ATXN10: variants seen among roughly 807,000 people sequenced by gnomAD.
The protein encoded by ATXN10 is ataxin-10.
Under a neutral mutation model 52.9 loss-of-function variants are expected in ATXN10, and 28 were observed. That is an observed-to-expected ratio of 0.53 (90% CI 0.39 to 0.73). The LOEUF is 0.73. ATXN10 is among the 30% of genes least tolerant of loss of function. The pLI, the probability that ATXN10 is intolerant of heterozygous loss-of-function variation, is 0.00. For synonymous variants in ATXN10, 226 were observed against 221.5 expected (o/e 1.02, Z -0.18); for missense variants, 565 against 577.0 (o/e 0.98, Z 0.21).
chr22:45,725,061 TGTA>T (rs1465991702), intron 6 of ATXN10, among the ~76,000 whole-genome samples: 5 of 152,206 alleles, frequency 3.3e-5, no homozygotes, highest in Non-Finnish European at 7.3e-5. Flanking sequence ...ACTATAGACT[TGTA>T]GTATAATTTG....
At chr22:45,739,326 T>C (rs1456659546) in intron 8 of ATXN10, among the ~76,000 whole-genome samples, 1 of 152,254 alleles carries the variant, frequency 6.6e-6, no homozygotes, top group Non-Finnish European at 1.5e-5. Flanking sequence ...ATTACCAACC[T>C]TGCTAAAAAG....
chr22:45,702,544 AAAT>A, intron 4 of ATXN10, 142 bp from the exon 5 acceptor site: 7 of 711,728 alleles, frequency 9.8e-6, no homozygotes, highest in South Asian at 7.7e-5. Flanking sequence ...TTTTTACAGT[AAAT>A]AATCTACTTA....
intron 10 of ATXN10, among the ~76,000 whole-genome samples, chr22:45,831,029 C>T (rs1928975767): frequency 6.6e-6 from 1 of 152,086 alleles, no homozygotes; most frequent in Non-Finnish European, 1.5e-5. Flanking sequence ...TATGAGTCAG[C>T]TTTAAAAGGA....
intron 9 of ATXN10, among the ~76,000 whole-genome samples, chr22:45,742,234 T>C (rs1036786391): frequency 3.3e-5 from 5 of 152,100 alleles, no homozygotes; most frequent in Admixed American, 6.5e-5. Flanking sequence ...TAATCCAGAA[T>C]TGCCACAGCA....
At chr22:45,817,820 GA>G (rs2096924977) in intron 10 of ATXN10, among the ~76,000 whole-genome samples, 1 of 152,100 alleles carries the variant, frequency 6.6e-6, no homozygotes, top group South Asian at 2.1e-4. Context: ...ATGAATTGGT[GA>G]TGCTCCCAGC....
chr22:45,682,380 G>A (rs999188762), intron 1 of ATXN10, among the ~76,000 whole-genome samples: 17 of 151,730 alleles, frequency 1.1e-4, no homozygotes, highest in African/African-American at 4.1e-4. Flanking sequence ...GCAGGGGCAC[G>A]ATCTGCAGCC....
intron 9 of ATXN10, among the ~76,000 whole-genome samples, chr22:45,801,746 A>G (rs1276803797): frequency 1.3e-5 from 2 of 152,218 alleles, no homozygotes; most frequent in Non-Finnish European, 2.9e-5. Context: ...GTGAAGGATT[A>G]CCATATCCAG....
rs933348187 is a variant in ATXN10, at chr22:45,678,190, T to A, written c.116+6011T>A. On this transcript the variant is annotated intron_variant, in intron 1 of 11. Coordinates refer to ENST00000252934, the MANE Select transcript of ATXN10 (RefSeq NM_013236.4). This position sits in a 1 kb window ranked among gnomAD's most constrained non-coding sequence, Gnocchi z 4.1. ...ACATTGTGAATATAATTAAAGCCAT[T>A]GAACTGTAGACTTAAAATGAACAAC... 1.3e-5 allele frequency: 2 copies of A among 152,172 alleles called. No homozygotes were observed. The highest frequency in any genetic ancestry group is 4.8e-5 in the African/African-American group (2 of 41,448). 9.4% of individuals were successfully genotyped at this position (152,172 alleles called of 1,614,324 possible).
chr22:45,741,480 C>T (rs1925531749), intron 9 of ATXN10, among the ~76,000 whole-genome samples: 1 of 151,984 alleles, frequency 6.6e-6, no homozygotes, highest in Non-Finnish European at 1.5e-5. Flanking sequence ...CATGGAAAAG[C>T]CCTGGAAGAT....
At chr22:45,751,763 A>AAAAAAATAATAATAAT in intron 9 of ATXN10, among the ~76,000 whole-genome samples, 59 of 66,572 alleles carry the variant, frequency 8.9e-4, no homozygotes, top group Non-Finnish European at 1.6e-3. Flanking sequence ...AATAAAAAAA[A>AAAAAAATAATAATAAT]AATAATAATA....
Position 45,843,044 on chromosome 22 carries a change from C to T in ATXN10, c.1291C>T (p.Gln431Ter), listed in dbSNP as rs1322935543. 6.2e-7 allele frequency: 1 copy of T among 1,614,122 alleles called. No homozygotes were observed. The highest frequency in any genetic ancestry group is 8.5e-7 in the Non-Finnish European group (1 of 1,180,008). Residue 431 changes from glutamine to a stop codon, truncating the protein, a stop_gained, in exon 11 of 12, where the codon CAA (glutamine) becomes TAA (stop). Coordinates refer to ENST00000252934, the MANE Select transcript of ATXN10 (RefSeq NM_013236.4). LOFTEE classifies it high-confidence loss of function. This position sits in a 1 kb window ranked among gnomAD's most constrained non-coding sequence, Gnocchi z 4.5. Reference sequence around the variant, plus strand: ...CCGAAACCTTACCGAAGACAACAGCCAAAACCAAGATTTGATTGCAAAGAT... The same window carrying T: ...CCGAAACCTTACCGAAGACAACAGCTAAAACCAAGATTTGATTGCAAAGAT... ...AIRNLTEDNS[Q>*]NQDLIAKMEE...
intron 1 of ATXN10, among the ~76,000 whole-genome samples, chr22:45,680,363 A>G (rs546978093): frequency 9.2e-5 from 14 of 152,222 alleles, no homozygotes; most frequent in Non-Finnish European, 1.6e-4. Context: ...CCATTGTATT[A>G]TAGGAAACCT....
intron 9 of ATXN10, among the ~76,000 whole-genome samples, chr22:45,797,663 G>T (rs1569069103): frequency 1.3e-5 from 2 of 152,154 alleles, no homozygotes; most frequent in Non-Finnish European, 2.9e-5. Context: ...TTAAACCAAT[G>T]TAAGTAGAAG....
chr22:45,702,980 A>G, intron 5 of ATXN10, 133 bp downstream of exon 5: 9 of 1,110,990 alleles, frequency 8.1e-6, no homozygotes, highest in Middle Eastern at 2.9e-4. Flanking sequence ...TGTTGACAGA[A>G]TTAGAGAAGA....
In ATXN10 at chr22:45,757,031, C is replaced by T. The variant is rs957815103; in HGVS notation, c.1173+16493C>T. Among the ~76,000 whole-genome samples the T allele has an allele frequency of 1.4e-4, 21 of 152,272 alleles. No individual in the cohort carries two copies. Among genetic ancestry groups the T allele is most frequent in the South Asian group, 2.1e-4 (1 of 4,826 alleles). On this transcript the variant is annotated intron_variant, in intron 9 of 11. Transcript: ENST00000252934. The surrounding 1 kb of genome is among the most constrained non-coding windows in gnomAD (Gnocchi z 4.6). ...GTGGAGAAGAACCAGACGAGAGACA[C>T]GGTTCCAGATGCTTTCCCAAGTGGC... is the stretch of plus-strand genomic sequence containing the variant.
chr22:45,839,909 C>T (rs988284503), intron 10 of ATXN10, among the ~76,000 whole-genome samples: 3 of 152,258 alleles, frequency 2.0e-5, no homozygotes, highest in African/African-American at 7.2e-5. Context: ...TGCAGTGCCG[C>T]CATGGCCCCA....
chr22:45,822,465 C>G (rs1398907521), intron 10 of ATXN10, among the ~76,000 whole-genome samples: 1 of 150,268 alleles, frequency 6.7e-6, no homozygotes, highest in South Asian at 2.1e-4. Context: ...AGTCAGACCT[C>G]GTAATATTTG....
intron 7 of ATXN10, among the ~76,000 whole-genome samples, chr22:45,737,286 A>C (rs577259059): frequency 3.7e-4 from 57 of 152,322 alleles, no homozygotes; most frequent in African/African-American, 1.3e-3. Flanking sequence ...GTTGTCTGCT[A>C]TGACAAGATG....
rs374839390 is a variant in ATXN10, at chr22:45,825,434, C to T, written c.1238-17557C>T. On this transcript the variant is annotated intron_variant, in intron 10 of 11. Transcript: ENST00000252934. The surrounding 1 kb of genome is among the most constrained non-coding windows in gnomAD (Gnocchi z 4.5). ...GTCACCGTAGATTCCCAGGGAATAG[C>T]ATAGGCTCGGAGAAGACCTGAGAAG... is the stretch of plus-strand genomic sequence containing the variant. 1.3e-5 allele frequency among the ~76,000 whole-genome samples: 2 copies of T among 152,136 alleles called. No individual in the cohort carries two copies. The highest frequency in any genetic ancestry group is 2.9e-5 in the Non-Finnish European group (2 of 68,036).
Sources: gnomAD v4.1 joint callset for allele counts (sites outside exome capture counted in the v4.1 genomes callset) on GRCh38, gnomAD v4.1.1 for gene constraint, Gnocchi (gnomAD v3.1) non-coding constraint, MANE v1.5 for transcripts, NCBI Gene and HGNC (gene_info 2026-07-23, HGNC 2026-07-21) for gene names.